The following THRB variants were observed in gnomAD, a reference collection of about 807,000 sequenced individuals.
The protein encoded by THRB is thyroid hormone receptor beta.
Under a neutral mutation model 47.8 loss-of-function variants are expected in THRB, and 12 were observed. The ratio of observed to expected loss-of-function variants is 0.25; its 90% CI spans 0.16 to 0.41. THRB has a LOEUF of 0.41. Ranked by LOEUF, THRB falls within the 10% of genes least tolerant of loss-of-function variation. The probability of loss-of-function intolerance (pLI) is 1.00; values close to 1 mark genes in which losing one functional copy is unlikely to be tolerated. For missense variants in THRB, 348 were observed against 589.2 expected, an observed-to-expected ratio of 0.59 and a Z score of 4.24; for synonymous variants, 218 against 212.2, an observed-to-expected ratio of 1.03 and a Z score of -0.24.
At chr3:24,197,839 G>A (rs79858085) in intron 4 of THRB, among the ~76,000 whole-genome samples, 5,809 of 152,308 alleles carry the variant, frequency 0.038, 348 homozygotes, top group African/African-American at 0.13. Context: ...AGCTCTGTGA[G>A]CAGGGAAGAC....
chr3:24,202,656 G>A (rs1288480321), intron 4 of THRB, among the ~76,000 whole-genome samples: 5 of 152,280 alleles, frequency 3.3e-5, no homozygotes, highest in South Asian at 2.1e-4. Flanking sequence ...TTGAGTTTAT[G>A]ATACTGAGCG....
chr3:24,230,764 G>A (rs1312078789), intron 3 of THRB, among the ~76,000 whole-genome samples: 1 of 152,156 alleles, frequency 6.6e-6, no homozygotes, highest in Non-Finnish European at 1.5e-5. Context: ...CTTGGACTGT[G>A]CCCCACCTCT....
intron 1 of THRB, among the ~76,000 whole-genome samples, chr3:24,487,996 G>A (rs375332279): frequency 4.6e-5 from 7 of 152,158 alleles, no homozygotes; most frequent in African/African-American, 1.7e-4. Flanking sequence ...GGAACAACAT[G>A]TCACAAGAGT....
At chr3:24,450,666 G>A (rs955989394) in intron 1 of THRB, among the ~76,000 whole-genome samples, 13 of 152,128 alleles carry the variant, frequency 8.5e-5, no homozygotes, top group African/African-American at 3.1e-4. Flanking sequence ...ACCAGGTGTA[G>A]GTAAACCAGT....
At chr3:24,146,539 G>C (rs2149034616) in intron 7 of THRB, 136 bp downstream of exon 7, 1 of 898,990 alleles carries the variant, frequency 1.1e-6, no homozygotes, top group Middle Eastern at 2.2e-4. Flanking sequence ...GGAGTGAGGG[G>C]TGTATGCGAA....
At chr3:24,479,472 T>C (rs80194892) in intron 1 of THRB, among the ~76,000 whole-genome samples, 2,583 of 152,042 alleles carry the variant, frequency 0.017, 66 homozygotes, top group African/African-American at 0.059. Flanking sequence ...AACAAGCTAT[T>C]AGGAGAGAGA....
At chr3:24,316,614 T>A (rs1483181458) in intron 2 of THRB, among the ~76,000 whole-genome samples, 1 of 152,162 alleles carries the variant, frequency 6.6e-6, no homozygotes, top group Non-Finnish European at 1.5e-5. Flanking sequence ...ATTATTGCAA[T>A]GTTATCCAAA....
At chr3:24,317,660 A>G (rs919289363) in intron 2 of THRB, among the ~76,000 whole-genome samples, 1 of 152,208 alleles carries the variant, frequency 6.6e-6, no homozygotes, top group African/African-American at 2.4e-5. Context: ...CCTAGTTAAG[A>G]AACTACAATT....
At chr3:24,450,517 T>G (rs1349701769) in intron 1 of THRB, among the ~76,000 whole-genome samples, 4 of 152,222 alleles carry the variant, frequency 2.6e-5, no homozygotes, top group Admixed American at 1.3e-4. Flanking sequence ...ATTCTTTACT[T>G]TAAAAATGTA....
Position 24,210,970 on chromosome 3 carries a change from G to A in THRB, c.22+17968C>T, listed in dbSNP as rs62253693. Among the ~76,000 whole-genome samples, 897 of 152,152 alleles carry A rather than the reference G, an allele frequency of 5.9e-3. 8 individuals carry two copies. Among genetic ancestry groups the A allele is most frequent in the South Asian group, 0.042 (205 of 4,824 alleles). On this transcript the variant is annotated intron_variant, in intron 4 of 10. Coordinates refer to ENST00000646209, the MANE Select transcript of THRB (RefSeq NM_001354712.2). Reference sequence around the variant, plus strand: ...TGCTAGCACTTTGGGAGGCTGAAGCGGGTGGAATACCTGAGGTCAGGAGTT... The same window carrying A: ...TGCTAGCACTTTGGGAGGCTGAAGCAGGTGGAATACCTGAGGTCAGGAGTT...
chr3:24,352,210 C>T (rs545545369), intron 1 of THRB, among the ~76,000 whole-genome samples: 1 of 152,136 alleles, frequency 6.6e-6, no homozygotes, highest in Non-Finnish European at 1.5e-5. Context: ...CAAATTTAAC[C>T]TTAATAAAAC....
intron 1 of THRB, among the ~76,000 whole-genome samples, chr3:24,340,675 T>C (rs2062575959): frequency 6.6e-6 from 1 of 152,188 alleles, no homozygotes; most frequent in South Asian, 2.1e-4. Flanking sequence ...GGAACAAATC[T>C]CAATAGAATT....
intron 1 of THRB, among the ~76,000 whole-genome samples, chr3:24,378,017 T>C (rs1241208976): frequency 6.6e-6 from 1 of 152,186 alleles, no homozygotes; most frequent in Non-Finnish European, 1.5e-5. Context: ...AATTTGCTGA[T>C]TCTTTGACCA....
At chr3:24,181,699 T>C (rs1257620099) in intron 5 of THRB, among the ~76,000 whole-genome samples, 1 of 151,810 alleles carries the variant, frequency 6.6e-6, no homozygotes, top group East Asian at 1.9e-4. Flanking sequence ...GTATTACTTG[T>C]TACTTGGCAG....
intron 3 of THRB, among the ~76,000 whole-genome samples, chr3:24,290,422 A>C (rs1260951390): frequency 6.6e-6 from 1 of 152,184 alleles, no homozygotes; most frequent in East Asian, 1.9e-4. Flanking sequence ...CTTATAAACA[A>C]AATGTTCTCT....
At chr3:24,358,996 T>A (rs1228142677) in intron 1 of THRB, among the ~76,000 whole-genome samples, 1 of 152,190 alleles carries the variant, frequency 6.6e-6, no homozygotes, top group Non-Finnish European at 1.5e-5. Context: ...GTGACTCTTA[T>A]ACTAAAACTA....
chr3:24,273,586 CAG>C (rs1234471784), intron 3 of THRB, among the ~76,000 whole-genome samples: 3 of 152,152 alleles, frequency 2.0e-5, no homozygotes, highest in Non-Finnish European at 2.9e-5. Context: ...CTTGTGAAGA[CAG>C]AAAGTTTTTT....
intron 5 of THRB, among the ~76,000 whole-genome samples, chr3:24,168,718 C>T (rs1345245222): frequency 2.0e-5 from 3 of 151,654 alleles, no homozygotes; most frequent in Non-Finnish European, 4.4e-5. Context: ...TGCAGCTTCA[C>T]TACATATTTC....
intron 8 of THRB, among the ~76,000 whole-genome samples, chr3:24,138,203 C>G (rs1455647501): frequency 6.6e-6 from 1 of 152,090 alleles, no homozygotes; most frequent in Non-Finnish European, 1.5e-5. Context: ...AAAGGTAACT[C>G]TCTGACACAT....
Sources: gnomAD v4.1 joint callset for allele counts (sites outside exome capture counted in the v4.1 genomes callset) on GRCh38, gnomAD v4.1.1 for gene constraint, MANE v1.5 for transcripts, NCBI Gene and HGNC (gene_info 2026-07-23, HGNC 2026-07-21) for gene names.